The following LITAF variants were observed in gnomAD, a reference collection of about 807,000 sequenced individuals.
The protein encoded by LITAF is lipopolysaccharide-induced tumor necrosis factor-alpha factor.
LITAF carries 9 observed loss-of-function variants against 14.5 expected under a neutral mutation model. That is an observed-to-expected ratio of 0.62 (90% CI 0.37 to 1.08). The LOEUF (loss-of-function observed/expected upper bound fraction) is 1.08, where lower values mean the gene tolerates loss of function less well. Ranked by LOEUF, LITAF falls within the 50% of genes least tolerant of loss-of-function variation. The pLI is 0.01. For missense variants in LITAF, 206 were observed against 213.4 expected (o/e 0.97, Z 0.22); for synonymous variants, 98 against 88.2 (o/e 1.11, Z -0.62).
intron 1 of LITAF, among the ~76,000 whole-genome samples, chr16:11,572,520 G>A (rs1341554611): frequency 6.6e-6 from 1 of 151,934 alleles, no homozygotes; most frequent in African/African-American, 2.4e-5. Flanking sequence ...ACCTGCTGAC[G>A]GGACATCACA....
chr16:11,597,859 G>T (rs1346472103), intron 1 of LITAF, among the ~76,000 whole-genome samples: 4 of 152,122 alleles, frequency 2.6e-5, no homozygotes, highest in Non-Finnish European at 4.4e-5. Flanking sequence ...GGAGCTAAAG[G>T]CCCCACAGCC....
In LITAF at chr16:11,615,933, G is replaced by C. The variant is rs369096053; in HGVS notation, c.85+17600C>G. On this transcript the variant is annotated intron_variant, in intron 3 of 3. Transcript: ENST00000574848. ...TCAGTTCACCCACTCCTCACCTCTG[G>C]GGAGGGGAGAGGGACTAGGAGTTGG... 1.6e-4 allele frequency among the ~76,000 whole-genome samples: 25 copies of C among 152,248 alleles called. No homozygotes were observed. The East Asian group carries it at 4.6e-3, about 28-fold the overall frequency.
At chr16:11,564,402 A>G (rs1014523592) in intron 1 of LITAF, among the ~76,000 whole-genome samples, 1 of 152,132 alleles carries the variant, frequency 6.6e-6, no homozygotes, top group African/African-American at 2.4e-5. Context: ...CAGCCTCAAC[A>G]GCCTCAGAAT....
rs577291309 is a variant in LITAF at position 11,549,354 on chromosome 16, T to C, written c.*283A>G. ...GGAAGATATTCGGATAGGGCAATGATCACAGTTAGATGGCAGGACTCAGGG... is the reference window on the plus strand; with the variant it reads ...GGAAGATATTCGGATAGGGCAATGACCACAGTTAGATGGCAGGACTCAGGG... On this transcript the variant is annotated 3_prime_UTR_variant, in exon 4 of 4. Transcript: ENST00000622633. The surrounding 1 kb of genome is among the most constrained non-coding windows in gnomAD (Gnocchi z 4.6). The C allele has an allele frequency of 6.0e-6, 3 of 499,362 alleles. No individual in the cohort carries two copies. Among genetic ancestry groups the C allele is most frequent in the African/African-American group, 5.8e-5 (3 of 51,810 alleles). The allele number at this position is 499,362 out of a possible 1,614,324, so 30.9% of individuals were successfully genotyped here.
chr16:11,556,416 C>G (rs893754774), intron 2 of LITAF, 95 bp downstream of exon 2: 4 of 1,101,708 alleles, frequency 3.6e-6, no homozygotes, highest in African/African-American at 3.1e-5. Context: ...TGGCACTTCA[C>G]TTAGACTCTT....
intron 1 of LITAF, chr16:11,575,492 G>C (rs938055944): frequency 2.6e-5 from 4 of 152,294 alleles, no homozygotes; most frequent in South Asian, 4.1e-4. Flanking sequence ...GTGGGCACCA[G>C]CGCCTGGGTT....
intron 3 of LITAF, among the ~76,000 whole-genome samples, chr16:11,624,450 T>A (rs2065071173): frequency 6.6e-6 from 1 of 152,110 alleles, no homozygotes; most frequent in Admixed American, 6.6e-5. Flanking sequence ...CTCACTAGAA[T>A]AGAAATGGAA....
rs1196548570 is a variant in LITAF at position 11,557,089 on chromosome 16, G to GT, written c.-5-355dup. Among the ~76,000 whole-genome samples, 33 of 49,456 alleles carry GT rather than the reference G, an allele frequency of 6.7e-4. No homozygotes were observed. The South Asian group carries it at 9.0e-3, about 13-fold the overall frequency. The allele number at this position is 49,456 out of a possible 152,430, so 32.4% of individuals were successfully genotyped here. A position where few individuals can be genotyped will look rare whatever the true frequency, so the allele number is the denominator to read the frequency against. On this transcript the variant is annotated intron_variant, in intron 1 of 3. Transcript: ENST00000622633. The stretch of plus-strand genomic sequence containing the variant: ...GTTTTTTTTTGTTTGTTTTTTTGTG[G>GT]TTTTTTTGGTTTTTAAACCACTGTG...
intron 1 of LITAF, among the ~76,000 whole-genome samples, chr16:11,593,913 A>C (rs2064864793): frequency 6.6e-6 from 1 of 152,300 alleles, no homozygotes. Context: ...GCAGTGGCTC[A>C]TGCCTGTAAT....
At chr16:11,625,738 C>A (rs1270487656) in intron 3 of LITAF, among the ~76,000 whole-genome samples, 1 of 152,100 alleles carries the variant, frequency 6.6e-6, no homozygotes, top group Non-Finnish European at 1.5e-5. Flanking sequence ...TTCATTTATT[C>A]ATTCATTTTA....
upstream of LITAF, among the ~76,000 whole-genome samples, chr16:11,603,418 G>A (rs1009306540): frequency 2.0e-5 from 3 of 152,172 alleles, no homozygotes; most frequent in East Asian, 3.9e-4. Flanking sequence ...GGGGTTTCAA[G>A]GGCCTCCCTG....
chr16:11,604,640 C>G (rs1166587788), intron 3 of LITAF, among the ~76,000 whole-genome samples: 2 of 69,788 alleles, frequency 2.9e-5, no homozygotes, highest in East Asian at 4.3e-4. Flanking sequence ...GACTCTGTCT[C>G]TCTTAAAAAA....
At chr16:11,618,576 A>G (rs2065031129) in intron 3 of LITAF, among the ~76,000 whole-genome samples, 1 of 152,200 alleles carries the variant, frequency 6.6e-6, no homozygotes, top group Non-Finnish European at 1.5e-5. Context: ...GCGATGGGCT[A>G]ATAGCAAGAT....
Position 11,558,895 on chromosome 16 carries a change from C to G in LITAF, c.-5-2160G>C, listed in dbSNP as rs60168550. Among the ~76,000 whole-genome samples, 1 of 152,148 alleles carries G rather than the reference C, an allele frequency of 6.6e-6. No individual in the cohort carries two copies. The highest frequency in any genetic ancestry group is 2.4e-5 in the African/African-American group (1 of 41,432). On this transcript the variant is annotated intron_variant, in intron 1 of 3. Coordinates refer to ENST00000622633, the MANE Select transcript of LITAF (RefSeq NM_001136472.2). The surrounding 1 kb of genome is among the most constrained non-coding windows in gnomAD (Gnocchi z 4.1). The stretch of plus-strand genomic sequence containing the variant: ...AGAATCTTCTGTGAGGATGGAAATG[C>G]TCTGTATCTGCTGCCCAATATAGCA...
At chr16:11,568,552 A>C (rs11862803) in intron 1 of LITAF, among the ~76,000 whole-genome samples, 82,204 of 151,852 alleles carry the variant, frequency 0.54, 22,729 homozygotes, top group African/African-American at 0.61. Context: ...GCTGGTACCC[A>C]AAGATGTCAC....
intron 1 of LITAF, among the ~76,000 whole-genome samples, chr16:11,561,898 C>CT (rs140200933): frequency 7.3e-5 from 11 of 149,766 alleles, no homozygotes; most frequent in African/African-American, 1.7e-4. Flanking sequence ...TCCACAATGT[C>CT]TTTTTTTTAA....
At chr16:11,611,348 C>CAT (rs937745504) in intron 3 of LITAF, among the ~76,000 whole-genome samples, 8 of 152,148 alleles carry the variant, frequency 5.3e-5, no homozygotes, top group African/African-American at 1.7e-4. Flanking sequence ...GTCTGCAAAA[C>CAT]ATATATATAG....
In LITAF at chr16:11,586,023, C is replaced by T. The variant is rs1163754049; in HGVS notation, c.-6+863G>A. 1 of 152,734 alleles carries T rather than the reference C, an allele frequency of 6.5e-6. No homozygotes were observed. Among genetic ancestry groups the T allele is most frequent in the African/African-American group, 2.4e-5 (1 of 41,482 alleles). The allele number at this position is 152,734 out of a possible 1,614,324, so 9.5% of individuals were successfully genotyped here. ...ACCCCGAAGAGCTTCGGGCACACCACCAACTGACCACCTATCCACAGTGAC... is the reference window on the plus strand; with the variant it reads ...ACCCCGAAGAGCTTCGGGCACACCATCAACTGACCACCTATCCACAGTGAC... On this transcript the variant is annotated intron_variant, in intron 1 of 3. Transcript: ENST00000622633. The surrounding 1 kb of genome is among the most constrained non-coding windows in gnomAD (Gnocchi z 6.5).
intron 1 of LITAF, among the ~76,000 whole-genome samples, chr16:11,580,843 C>G (rs1021361510): frequency 6.6e-6 from 1 of 152,082 alleles, no homozygotes; most frequent in African/African-American, 2.4e-5. Context: ...CGGCTCACTG[C>G]AGCCTCGACC....
Sources: gnomAD v4.1 joint callset for allele counts (sites outside exome capture counted in the v4.1 genomes callset) on GRCh38, gnomAD v4.1.1 for gene constraint, Gnocchi (gnomAD v3.1) non-coding constraint, MANE v1.5 for transcripts, NCBI Gene and HGNC (gene_info 2026-07-23, HGNC 2026-07-21) for gene names.